ZNF133: variants seen among roughly 807,000 people sequenced by gnomAD.
ZNF133 encodes the protein zinc finger protein 133 (clone pHZ-13).
A neutral mutation model predicts 54.9 loss-of-function variants in ZNF133; 26 were observed. That is an observed-to-expected ratio of 0.47 (90% CI 0.35 to 0.66). The LOEUF is 0.66. Among genes scored for constraint, ZNF133 ranks in the 30% least tolerant of loss-of-function variants. ZNF133 has a pLI of 0.01. For synonymous variants in ZNF133, 298 were observed against 320.3 expected, an observed-to-expected ratio of 0.93 and a Z score of 0.74; for missense variants, 653 against 820.8, an observed-to-expected ratio of 0.80 and a Z score of 2.50.
chr20:18,308,768 G>C (rs761078273), intron 6 of ZNF133, among the ~76,000 whole-genome samples: 7 of 152,216 alleles, frequency 4.6e-5, no homozygotes. Flanking sequence ...ACTTTTAATA[G>C]TGACTTTACT....
chr20:18,292,650 C>T (rs982990505), intron 1 of ZNF133, among the ~76,000 whole-genome samples: 2 of 152,238 alleles, frequency 1.3e-5, no homozygotes, highest in East Asian at 3.8e-4. Flanking sequence ...TCATGCCACT[C>T]ATCACTTTCT....
At chr20:18,294,227 A>T (rs2041749435) in intron 1 of ZNF133, among the ~76,000 whole-genome samples, 1 of 152,224 alleles carries the variant, frequency 6.6e-6, no homozygotes, top group African/African-American at 2.4e-5. Flanking sequence ...ATCACATCTG[A>T]GGTATTCTAA....
intron 6 of ZNF133, chr20:18,313,414 A>G (rs1215568373): frequency 1.3e-5 from 2 of 152,238 alleles, no homozygotes; most frequent in East Asian, 3.9e-4. Flanking sequence ...ACATATCAGA[A>G]GCCTTGGTTC....
At chr20:18,310,177 C>A in intron 6 of ZNF133, 1 of 1,353,824 alleles carries the variant, frequency 7.4e-7, no homozygotes, top group Non-Finnish European at 9.5e-7. Context: ...AGAAAAACAG[C>A]AGCTCTTACA....
chr20:18,298,274 CA>C lies in ZNF133; in HGVS notation c.-353-14del. 7.3e-7 allele frequency: 1 copy of C among 1,376,024 alleles called. No individual in the cohort carries two copies. Among genetic ancestry groups the C allele is most frequent in the Non-Finnish European group, 9.4e-7 (1 of 1,067,120 alleles). The allele number at this position is 1,376,024 out of a possible 1,614,324, so 85.2% of individuals were successfully genotyped here. Reference sequence around the variant, plus strand: ...ATTCTACAGTATGAGATAGAGTCTGCATTTCTTTGTTCAGCTTCAAAAGTTC... The same window carrying C: ...ATTCTACAGTATGAGATAGAGTCTGCTTTCTTTGTTCAGCTTCAAAAGTTC... On this transcript the variant is annotated splice_polypyrimidine_tract_variant and intron_variant, in intron 2 of 6. Coordinates refer to ENST00000425686, the MANE Select transcript of ZNF133 (RefSeq NM_001352452.2).
intron 3 of ZNF133, among the ~76,000 whole-genome samples, chr20:18,299,386 C>A (rs1381398946): frequency 1.3e-5 from 2 of 152,106 alleles, no homozygotes; most frequent in Non-Finnish European, 2.9e-5. Context: ...GGACAATTAT[C>A]AAGTCTGAGG....
At chr20:18,301,261 T>C (rs2043300881) in intron 3 of ZNF133, among the ~76,000 whole-genome samples, 1 of 152,104 alleles carries the variant, frequency 6.6e-6, no homozygotes, top group Non-Finnish European at 1.5e-5. Flanking sequence ...TAGGAAAACT[T>C]ATGAGATGAA....
chr20:18,301,846 C>A (rs961353729), intron 3 of ZNF133, among the ~76,000 whole-genome samples: 1 of 152,140 alleles, frequency 6.6e-6, no homozygotes, highest in African/African-American at 2.4e-5. Context: ...TAGAGAAGAA[C>A]TAACACTAGT....
chr20:18,315,672 A>C lies in ZNF133; in HGVS notation c.821A>C (p.Glu274Ala), dbSNP rs760412310. ...HSGEKPIVCR[E>A]CGRGFNRKST... ...GGGGAGAAGCCAATTGTGTGCAGGG[A>C]GTGTGGACGAGGCTTTAACCGGAAG... Residue 274 changes from glutamate to alanine, a missense_variant, in exon 7 of 7, where the codon GAG (glutamate) becomes GCG (alanine). Glu to Ala is a moderately radical substitution (Grantham distance 107). Coordinates refer to ENST00000425686, the MANE Select transcript of ZNF133 (RefSeq NM_001352452.2). 1.2e-6 allele frequency: 2 copies of C among 1,614,010 alleles called. No individual in the cohort carries two copies. The highest frequency in any genetic ancestry group is 2.2e-5 in the South Asian group (2 of 91,070).
At chr20:18,297,902 T>A in intron 1 of ZNF133, 83 bp from the exon 2 acceptor site, 1 of 842,320 alleles carries the variant, frequency 1.2e-6, no homozygotes, top group East Asian at 2.7e-5. Flanking sequence ...CCCCCAGTTG[T>A]GGGGTTAAAG....
chr20:18,310,098 C>T, intron 6 of ZNF133: 1 of 1,237,938 alleles, frequency 8.1e-7, no homozygotes, highest in Non-Finnish European at 1.0e-6. Context: ...TAACAAGCAG[C>T]TTACCTATCA....
At chr20:18,290,087 T>TA (rs2040603396) in intron 1 of ZNF133, 1 of 152,326 alleles carries the variant, frequency 6.6e-6, no homozygotes, top group Admixed American at 6.5e-5. Flanking sequence ...GGGTGCCACT[T>TA]ACCTTTTGCA....
In ZNF133 at chr20:18,305,632, A is replaced by G. The variant is rs559259677; in HGVS notation, c.-6-49A>G. 120 of 1,613,274 alleles carry G rather than the reference A, an allele frequency of 7.4e-5. 1 individual carries two copies. The highest frequency in any genetic ancestry group is 5.4e-4 in the South Asian group (49 of 90,996). On this transcript the variant is annotated intron_variant, in intron 4 of 6. Coordinates refer to ENST00000425686, the MANE Select transcript of ZNF133 (RefSeq NM_001352452.2). This position sits in a 1 kb window ranked among gnomAD's most constrained non-coding sequence, Gnocchi z 4.7. Reference sequence around the variant, plus strand: ...CCTTATCCCTGCCCCTCACCCTGCCATGGGCAAGGCTGGCTTCTGAGTGAG... The same window carrying G: ...CCTTATCCCTGCCCCTCACCCTGCCGTGGGCAAGGCTGGCTTCTGAGTGAG...
Position 18,315,200 on chromosome 20 carries a change from A to G in ZNF133, c.349A>G (p.Ile117Val). ...CACATGCTTGTGTGCAGAAGGTAAC[A>G]TCCAGCCTGGGGATCCGGGCCCAGG... ...IFTCLCAEGN[I>V]QPGDPGPGDQ... is the part of the protein sequence containing the mutation. Residue 117 changes from isoleucine (I) to valine (V), a missense_variant, in exon 7 of 7, where the codon ATC (isoleucine) becomes GTC (valine). Ile to Val is a conservative substitution (Grantham distance 29, BLOSUM62 3). Transcript: ENST00000425686. The G allele has an allele frequency of 6.2e-7, 1 of 1,613,996 alleles. No individual in the cohort carries two copies. Among genetic ancestry groups the G allele is most frequent in the South Asian group, 1.1e-5 (1 of 91,068 alleles).
chr20:18,311,282 G>C (rs1265768452), intron 6 of ZNF133, among the ~76,000 whole-genome samples: 3 of 152,150 alleles, frequency 2.0e-5, no homozygotes, highest in African/African-American at 7.2e-5. Context: ...TTGTACCACT[G>C]CACTTCAGCC....
At chr20:18,293,439 G>A (rs189477568) in intron 1 of ZNF133, among the ~76,000 whole-genome samples, 208 of 152,324 alleles carry the variant, frequency 1.4e-3, no homozygotes, top group African/African-American at 4.9e-3. Context: ...GATTGAACTC[G>A]TTACGTGGTA....
rs761625656 is a variant in ZNF133 at position 18,315,496 on chromosome 20, C to T, written c.645C>T (p.Asn215=). The change falls in exon 7 of 7, where the codon AAC becomes AAT. Residue 215 remains asparagine (N), a synonymous_variant. Coordinates refer to ENST00000425686, the MANE Select transcript of ZNF133 (RefSeq NM_001352452.2). ...AAGTCTTAGGATTTGGAACAGTCAA[C>T]TGTGGAGAGTGTGGACTGAGCTTCA... The part of the protein sequence containing the change: ...RIEVLGFGTV[N]CGECGLSFSK... 5 of 1,614,196 alleles carry T rather than the reference C, an allele frequency of 3.1e-6. No homozygotes were observed. The South Asian group carries it at 5.5e-5, about 18-fold the overall frequency.
chr20:18,293,992 T>C (rs1485207198), intron 1 of ZNF133, among the ~76,000 whole-genome samples: 2 of 152,160 alleles, frequency 1.3e-5, no homozygotes, highest in East Asian at 1.9e-4. Flanking sequence ...TCCACAGATA[T>C]ATGCTAAAAT....
chr20:18,315,042 T>C (rs2047139097), intron 6 of ZNF133, 27 bp from the exon 7 acceptor site: 5 of 1,516,186 alleles, frequency 3.3e-6, no homozygotes, highest in East Asian at 2.3e-5. Context: ...GAGGACTCAG[T>C]TGTGACTCAC....
Sources: gnomAD v4.1 joint callset for allele counts (sites outside exome capture counted in the v4.1 genomes callset) on GRCh38, gnomAD v4.1.1 for gene constraint, Gnocchi (gnomAD v3.1) non-coding constraint, MANE v1.5 for transcripts, NCBI Gene and HGNC (gene_info 2026-07-23, HGNC 2026-07-21) for gene names.